The following NKAIN2 variants were observed in gnomAD, a reference collection of about 807,000 sequenced individuals.
NKAIN2 encodes the protein sodium/potassium-transporting ATPase subunit beta-1-interacting protein 2.
Under a neutral mutation model 32.6 loss-of-function variants are expected in NKAIN2, and 14 were observed. The observed-to-expected ratio is 0.43, with a 90% CI of 0.28 to 0.67. NKAIN2 has a LOEUF of 0.67. Among genes scored for constraint, NKAIN2 ranks in the 30% least tolerant of loss-of-function variants. The probability of loss-of-function intolerance (pLI) is 0.17; values close to 1 mark genes in which losing one functional copy is unlikely to be tolerated. For missense variants in NKAIN2, 198 were observed against 258.3 expected (o/e 0.77, Z 1.60); for synonymous variants, 80 against 87.2 (o/e 0.92, Z 0.46).
At chr6:124,796,294 T>C (rs1400357622) in intron 5 of NKAIN2, among the ~76,000 whole-genome samples, 3 of 152,196 alleles carry the variant, frequency 2.0e-5, no homozygotes, top group Non-Finnish European at 4.4e-5. Flanking sequence ...TAGACGGCAC[T>C]TTCTGTTGGA....
Position 124,023,850 on chromosome 6 carries a change from A to C in NKAIN2, c.54+219596A>C, listed in dbSNP as rs1265197231. On this transcript the variant is annotated intron_variant, in intron 1 of 6. Coordinates refer to ENST00000368417, the MANE Select transcript of NKAIN2 (RefSeq NM_001040214.3). Reference sequence around the variant, plus strand: ...GAGGAATTTGGGGATAGACATTACTAAGAAAATTAACAAATATGGCATCTA... The same window carrying C: ...GAGGAATTTGGGGATAGACATTACTCAGAAAATTAACAAATATGGCATCTA... Among the ~76,000 whole-genome samples the C allele has an allele frequency of 2.0e-5, 3 of 152,048 alleles. No homozygotes were observed. In the East Asian group the frequency reaches 5.8e-4, roughly 29 times the overall value.
At chr6:124,109,120 C>T (rs1423002357) in intron 1 of NKAIN2, among the ~76,000 whole-genome samples, 1 of 151,892 alleles carries the variant, frequency 6.6e-6, no homozygotes, top group African/African-American at 2.4e-5. Flanking sequence ...ATAGGGATTG[C>T]ATTGATTCTG....
At chr6:124,299,527 ATTG>A (rs1796211110) in intron 2 of NKAIN2, among the ~76,000 whole-genome samples, 1 of 152,318 alleles carries the variant, frequency 6.6e-6, no homozygotes, top group African/African-American at 2.4e-5. Context: ...CATGATGTAA[ATTG>A]TTGTTATTGC....
chr6:124,582,636 A>G (rs921581978), intron 3 of NKAIN2, among the ~76,000 whole-genome samples: 1 of 152,152 alleles, frequency 6.6e-6, no homozygotes, highest in African/African-American at 2.4e-5. Flanking sequence ...CTTGATACCA[A>G]AATCAGACAT....
At chr6:124,723,578 T>C (rs1273099444) in intron 4 of NKAIN2, among the ~76,000 whole-genome samples, 1 of 152,216 alleles carries the variant, frequency 6.6e-6, no homozygotes, top group South Asian at 2.1e-4. Flanking sequence ...ACCTTAGCTA[T>C]TTGGGAAGGT....
intron 1 of NKAIN2, among the ~76,000 whole-genome samples, chr6:124,189,021 A>G (rs567827611): frequency 1.3e-5 from 2 of 152,328 alleles, no homozygotes; most frequent in East Asian, 3.9e-4. Context: ...TTAGTTAAAC[A>G]CCAGATTTTC....
At chr6:124,267,586 G>A (rs1470647048) in intron 1 of NKAIN2, among the ~76,000 whole-genome samples, 2 of 151,800 alleles carry the variant, frequency 1.3e-5, no homozygotes, top group South Asian at 2.1e-4. Context: ...TAATACAGTG[G>A]ATATATTAAA....
chr6:124,758,607 C>T (rs141651370), intron 4 of NKAIN2, among the ~76,000 whole-genome samples: 2 of 152,274 alleles, frequency 1.3e-5, no homozygotes, highest in Non-Finnish European at 2.9e-5. Flanking sequence ...GGCCGCAGTT[C>T]CCACCTGACC....
chr6:124,118,026 C>T (rs1407184411), intron 1 of NKAIN2, among the ~76,000 whole-genome samples: 1 of 151,850 alleles, frequency 6.6e-6, no homozygotes, highest in Non-Finnish European at 1.5e-5. Flanking sequence ...TTTTTTTCAA[C>T]TGAGGTCTTT....
chr6:124,112,500 T>C (rs1355872313), intron 1 of NKAIN2, among the ~76,000 whole-genome samples: 1 of 152,200 alleles, frequency 6.6e-6, no homozygotes, highest in Non-Finnish European at 1.5e-5. Flanking sequence ...TTCTCGTTTG[T>C]CTTTGACTTT....
At chr6:124,099,162 T>C (rs1160971451) in intron 1 of NKAIN2, among the ~76,000 whole-genome samples, 1 of 152,156 alleles carries the variant, frequency 6.6e-6, no homozygotes, top group African/African-American at 2.4e-5. Flanking sequence ...TGGATAATAT[T>C]TGTATTCTTT....
At chr6:124,682,309 G>T (rs551092201) in intron 4 of NKAIN2, among the ~76,000 whole-genome samples, 3 of 152,046 alleles carry the variant, frequency 2.0e-5, no homozygotes, top group African/African-American at 7.2e-5. Context: ...TGACCTTGTA[G>T]TCATAAGTTA....
At chr6:124,036,951 G>A (rs887638793) in intron 1 of NKAIN2, among the ~76,000 whole-genome samples, 1 of 152,020 alleles carries the variant, frequency 6.6e-6, no homozygotes, top group Admixed American at 6.6e-5. Flanking sequence ...AGTGTATTTG[G>A]TTTATCAAAG....
At chr6:124,191,469 AC>A (rs1790018137) in intron 1 of NKAIN2, among the ~76,000 whole-genome samples, 1 of 152,070 alleles carries the variant, frequency 6.6e-6, no homozygotes, top group Non-Finnish European at 1.5e-5. Context: ...ATATTCTGAA[AC>A]CTTATAATTT....
intron 1 of NKAIN2, among the ~76,000 whole-genome samples, chr6:124,232,380 G>C (rs1008845089): frequency 2.0e-5 from 3 of 152,182 alleles, no homozygotes; most frequent in African/African-American, 7.2e-5. Context: ...GAAACAGAGA[G>C]AGAAGAACCT....
chr6:124,121,683 T>C (rs527793053), intron 1 of NKAIN2, among the ~76,000 whole-genome samples: 1 of 152,210 alleles, frequency 6.6e-6, no homozygotes, highest in African/African-American at 2.4e-5. Context: ...AAGATAAGTT[T>C]TTCTAGGTAG....
chr6:124,314,902 G>A (rs867558150), intron 2 of NKAIN2, among the ~76,000 whole-genome samples: 82 of 151,980 alleles, frequency 5.4e-4, no homozygotes, highest in African/African-American at 1.8e-3. Context: ...CGTTAACCAA[G>A]GATTCTATCT....
chr6:124,323,131 T>A (rs1797262342), intron 2 of NKAIN2, among the ~76,000 whole-genome samples: 2 of 152,202 alleles, frequency 1.3e-5, no homozygotes, highest in Non-Finnish European at 2.9e-5. Context: ...TGTCTGGTTT[T>A]ATATTATTAA....
chr6:124,608,986 G>T (rs75303998), intron 3 of NKAIN2, among the ~76,000 whole-genome samples: 1 of 152,146 alleles, frequency 6.6e-6, no homozygotes, highest in African/African-American at 2.4e-5. Flanking sequence ...AAAATCAGCT[G>T]TCTCTTATTT....
Sources: allele counts gnomAD v4.1 joint callset (sites outside exome capture counted in the v4.1 genomes callset), GRCh38; gene constraint gnomAD v4.1.1; transcripts MANE v1.5; gene names NCBI Gene and HGNC (gene_info 2026-07-23, HGNC 2026-07-21).